LITAF: variants seen among roughly 807,000 people sequenced by gnomAD.
The protein encoded by LITAF is lipopolysaccharide-induced tumor necrosis factor-alpha factor.
In LITAF, 9 loss-of-function variants were observed where a neutral mutation model predicts 14.5. The observed-to-expected ratio is 0.62, with a 90% CI of 0.37 to 1.08. LITAF has a LOEUF of 1.08. Ranked by LOEUF, LITAF falls within the 50% of genes least tolerant of loss-of-function variation. The probability of loss-of-function intolerance (pLI) is 0.01; values close to 1 mark genes in which losing one functional copy is unlikely to be tolerated. For missense variants in LITAF, 206 were observed against 213.4 expected, an observed-to-expected ratio of 0.97 and a Z score of 0.22; for synonymous variants, 98 against 88.2, an observed-to-expected ratio of 1.11 and a Z score of -0.62.
At chr16:11,582,073 G>C (rs1328237727) in intron 1 of LITAF, among the ~76,000 whole-genome samples, 1 of 152,134 alleles carries the variant, frequency 6.6e-6, no homozygotes, top group African/African-American at 2.4e-5. Context: ...TTTTCAAATA[G>C]CTAGAAGAGA....
chr16:11,554,909 T>C (rs2064245007), intron 2 of LITAF, among the ~76,000 whole-genome samples: 1 of 152,100 alleles, frequency 6.6e-6, no homozygotes, highest in Admixed American at 6.6e-5. Context: ...CGTTAGAATG[T>C]CATTTATATA....
intron 3 of LITAF, among the ~76,000 whole-genome samples, chr16:11,609,324 G>A (rs571571001): frequency 1.7e-4 from 25 of 151,418 alleles, no homozygotes; most frequent in African/African-American, 4.8e-4. Context: ...CGATTCTCCC[G>A]CCTCAGCCTC....
chr16:11,562,975 T>C (rs973785547), intron 1 of LITAF, among the ~76,000 whole-genome samples: 1 of 151,496 alleles, frequency 6.6e-6, no homozygotes, highest in Admixed American at 6.6e-5. Context: ...TTAAAAAATA[T>C]ATATTAGCCA....
intron 1 of LITAF, among the ~76,000 whole-genome samples, chr16:11,557,474 G>C (rs560896249): frequency 1.9e-4 from 29 of 151,740 alleles, no homozygotes; most frequent in African/African-American, 6.8e-4. Flanking sequence ...TTATTTTTTT[G>C]AGACAAGATC....
chr16:11,597,465 G>C (rs762275079), intron 1 of LITAF, among the ~76,000 whole-genome samples: 63 of 152,278 alleles, frequency 4.1e-4, no homozygotes, highest in South Asian at 3.1e-3. Flanking sequence ...AACCCTATAA[G>C]GGAAATATTA....
chr16:11,592,951 A>C (rs2141852587), intron 1 of LITAF, among the ~76,000 whole-genome samples: 1 of 152,154 alleles, frequency 6.6e-6, no homozygotes, highest in Middle Eastern at 3.4e-3. Context: ...TGGGTTGATC[A>C]CGAGGTCAGG....
rs959726810 is a variant in LITAF at position 11,548,927 on chromosome 16, T to G, written c.*710A>C. 8.8e-6 allele frequency: 4 copies of G among 453,962 alleles called. No individual in the cohort carries two copies. Among genetic ancestry groups the G allele is most frequent in the African/African-American group, 8.0e-5 (4 of 49,992 alleles). 28.1% of individuals were successfully genotyped at this position (453,962 alleles called of 1,614,324 possible). On this transcript the variant is annotated 3_prime_UTR_variant, in exon 4 of 4. Coordinates refer to ENST00000622633, the MANE Select transcript of LITAF (RefSeq NM_001136472.2). ...AAAATCCCTGTATGGAAAGGGGCAC[T>G]GAAGATCTGGCACAGAGAAACAAGG...
chr16:11,571,760 C>A (rs2064544392), intron 1 of LITAF, among the ~76,000 whole-genome samples: 1 of 152,172 alleles, frequency 6.6e-6, no homozygotes, highest in Non-Finnish European at 1.5e-5. Flanking sequence ...TCCCCTCTTG[C>A]CAATCACGCC....
At chr16:11,636,655 C>T (rs1231256909), upstream of LITAF, among the ~76,000 whole-genome samples, 2 of 152,096 alleles carry the variant, frequency 1.3e-5, no homozygotes, top group Admixed American at 1.3e-4. Context: ...ATAGAGCCCC[C>T]GTGTTGAACA....
chr16:11,623,549 A>G (rs2065064060), intron 3 of LITAF, among the ~76,000 whole-genome samples: 1 of 151,834 alleles, frequency 6.6e-6, no homozygotes, highest in Non-Finnish European at 1.5e-5. Flanking sequence ...AGTCTCAGCT[A>G]CTCAGGAGGC....
intron 1 of LITAF, among the ~76,000 whole-genome samples, chr16:11,557,833 C>T (rs1188249679): frequency 1.3e-5 from 2 of 152,210 alleles, no homozygotes; most frequent in East Asian, 3.8e-4. Flanking sequence ...CAGCCAGGCA[C>T]ACATTTTCTT....
rs193069715 is a variant in LITAF at position 11,634,128 on chromosome 16, G to A, written c.-20-491C>T. On this transcript the variant is annotated intron_variant, in intron 2 of 3. Coordinates refer to the LITAF transcript ENST00000574848. This position sits in a 1 kb window ranked among gnomAD's most constrained non-coding sequence, Gnocchi z 4.1. Reference sequence around the variant, plus strand: ...AATACACATGTGCAGAGACTCATATGGGCACTTATACACACATGCACACAG... The same window carrying A: ...AATACACATGTGCAGAGACTCATATAGGCACTTATACACACATGCACACAG... Among the ~76,000 whole-genome samples the A allele has an allele frequency of 2.6e-5, 4 of 152,194 alleles. No individual in the cohort carries two copies. The highest frequency in any genetic ancestry group is 2.6e-4 in the Admixed American group (4 of 15,268).
In LITAF at chr16:11,549,410, C is replaced by T; in HGVS notation, c.*227G>A. 1.7e-6 allele frequency: 1 copy of T among 587,166 alleles called. No homozygotes were observed. Among genetic ancestry groups the T allele is most frequent in the Non-Finnish European group, 3.2e-6 (1 of 311,408 alleles). The allele number at this position is 587,166 out of a possible 1,614,324, so 36.4% of individuals were successfully genotyped here. The stretch of plus-strand genomic sequence containing the variant: ...GGGAGGCAGGAAACCGTGGAACTGA[C>T]ACTCAAGGGGAATGTCTTTGCAAGT... On this transcript the variant is annotated 3_prime_UTR_variant, in exon 4 of 4. Coordinates refer to ENST00000622633, the MANE Select transcript of LITAF (RefSeq NM_001136472.2). This position sits in a 1 kb window ranked among gnomAD's most constrained non-coding sequence, Gnocchi z 4.6.
rs1223618628 is a variant in LITAF at position 11,547,878 on chromosome 16, T to C, written c.*1759A>G. 2.2e-6 allele frequency: 1 copy of C among 454,146 alleles called. No homozygotes were observed. The highest frequency in any genetic ancestry group is 2.0e-5 in the African/African-American group (1 of 50,130). 28.1% of individuals were successfully genotyped at this position (454,146 alleles called of 1,614,324 possible). Reference sequence around the variant, plus strand: ...TTGACATTGCAGGATATTCAGCAAGTCTGAAGTTTTTAATCGGGAAGGATT... The same window carrying C: ...TTGACATTGCAGGATATTCAGCAAGCCTGAAGTTTTTAATCGGGAAGGATT... On this transcript the variant is annotated 3_prime_UTR_variant, in exon 4 of 4. Coordinates refer to ENST00000622633, the MANE Select transcript of LITAF (RefSeq NM_001136472.2).
intron 1 of LITAF, among the ~76,000 whole-genome samples, chr16:11,583,076 C>G (rs771786507): frequency 3.3e-5 from 5 of 152,152 alleles, no homozygotes; most frequent in Non-Finnish European, 5.9e-5. Flanking sequence ...GGAAAGGAAG[C>G]GAGAAATTGG....
intron 1 of LITAF, among the ~76,000 whole-genome samples, chr16:11,597,258 T>A (rs1325404898): frequency 6.6e-6 from 1 of 152,124 alleles, no homozygotes; most frequent in Non-Finnish European, 1.5e-5. Flanking sequence ...ACTGGCACTT[T>A]CTCTTCCTTG....
intron 3 of LITAF, among the ~76,000 whole-genome samples, chr16:11,612,745 G>A (rs534812526): frequency 2.6e-5 from 4 of 152,146 alleles, no homozygotes; most frequent in Non-Finnish European, 5.9e-5. Flanking sequence ...TGAGAAGGGC[G>A]GAGGGACGAG....
intron 1 of LITAF, among the ~76,000 whole-genome samples, chr16:11,567,802 T>C (rs537631983): frequency 6.6e-6 from 1 of 151,764 alleles, no homozygotes; most frequent in Admixed American, 6.6e-5. Flanking sequence ...CTAGCCAACA[T>C]GGTGAAACCC....
chr16:11,624,163 T>C (rs1280929735), intron 3 of LITAF, among the ~76,000 whole-genome samples: 1 of 152,224 alleles, frequency 6.6e-6, no homozygotes, highest in East Asian at 1.9e-4. Flanking sequence ...TCTCTCCGTC[T>C]CTTGCCTCTG....
Sources: gnomAD v4.1 joint callset for allele counts (sites outside exome capture counted in the v4.1 genomes callset) on GRCh38, gnomAD v4.1.1 for gene constraint, Gnocchi (gnomAD v3.1) non-coding constraint, MANE v1.5 for transcripts, NCBI Gene and HGNC (gene_info 2026-07-23, HGNC 2026-07-21) for gene names.